Variants in DLG2 observed in about 807,000 individuals in gnomAD.
DLG2 encodes discs large MAGUK scaffold protein 2.
In DLG2, 45 loss-of-function variants were observed where a neutral mutation model predicts 132.5. That is an observed-to-expected ratio of 0.34 (90% CI 0.27 to 0.44). The LOEUF (loss-of-function observed/expected upper bound fraction) is 0.44, where lower values mean the gene tolerates loss of function less well. Ranked by LOEUF, DLG2 falls within the 20% of genes least tolerant of loss-of-function variation. The probability of loss-of-function intolerance (pLI) is 1.00; values close to 1 mark genes in which losing one functional copy is unlikely to be tolerated. For synonymous variants in DLG2, 424 were observed against 419.6 expected (o/e 1.01, Z -0.13); for missense variants, 1,045 against 1,196.9 (o/e 0.87, Z 1.87).
At chr11:84,596,190 G>GTCTCTCTCTCTCTCTC (rs59824224) in intron 6 of DLG2, among the ~76,000 whole-genome samples, 1 of 144,734 alleles carries the variant, frequency 6.9e-6, no homozygotes, top group South Asian at 2.2e-4. Flanking sequence ...TCTTTTCTCT[G>GTCTCTCTCTCTCTCTC]TCTCTCTCTC....
At chr11:84,587,900 C>A (rs561493498) in intron 6 of DLG2, among the ~76,000 whole-genome samples, 39 of 152,274 alleles carry the variant, frequency 2.6e-4, no homozygotes, top group African/African-American at 8.4e-4. Flanking sequence ...CTACTTCATG[C>A]CTCCTTACAG....
At chr11:83,873,699 C>T (rs923277006) in intron 16 of DLG2, among the ~76,000 whole-genome samples, 2 of 152,174 alleles carry the variant, frequency 1.3e-5, no homozygotes, top group Non-Finnish European at 2.9e-5. Flanking sequence ...CACCAATAAG[C>T]ACTCAGTAAA....
intron 6 of DLG2, among the ~76,000 whole-genome samples, chr11:84,691,116 C>T (rs2057982707): frequency 6.6e-6 from 1 of 151,832 alleles, no homozygotes; most frequent in Non-Finnish European, 1.5e-5. Flanking sequence ...TTGGGTCCAG[C>T]TCAAATGCCA....
intron 17 of DLG2, among the ~76,000 whole-genome samples, chr11:83,792,381 C>G (rs2041817434): frequency 1.3e-5 from 2 of 151,968 alleles, no homozygotes; most frequent in Admixed American, 1.3e-4. Flanking sequence ...AGATAGTGTA[C>G]TGATATGAAA....
At chr11:84,735,367 A>T (rs527897387) in intron 6 of DLG2, among the ~76,000 whole-genome samples, 4 of 152,076 alleles carry the variant, frequency 2.6e-5, no homozygotes, top group Non-Finnish European at 5.9e-5. Context: ...TAGTCTTGGG[A>T]GGATATATGT....
intron 7 of DLG2, among the ~76,000 whole-genome samples, chr11:84,323,836 A>G (rs1201423147): frequency 6.7e-6 from 1 of 150,148 alleles, no homozygotes; most frequent in African/African-American, 2.4e-5. Context: ...TTTTTCATAT[A>G]CCAAATGGCT....
intron 7 of DLG2, among the ~76,000 whole-genome samples, chr11:84,478,403 C>T (rs1032273232): frequency 6.6e-6 from 1 of 152,062 alleles, no homozygotes; most frequent in Non-Finnish European, 1.5e-5. Context: ...CTATGATAAT[C>T]CATGTTAATT....
At chr11:84,158,411 G>C (rs903127881) in intron 9 of DLG2, among the ~76,000 whole-genome samples, 3 of 152,128 alleles carry the variant, frequency 2.0e-5, no homozygotes, top group African/African-American at 2.4e-5. Flanking sequence ...TGAAAGTCAA[G>C]AAAATCTGTT....
intron 4 of DLG2, among the ~76,000 whole-genome samples, chr11:85,218,981 A>G (rs1469908065): frequency 2.0e-5 from 3 of 152,162 alleles, no homozygotes; most frequent in African/African-American, 7.2e-5. Flanking sequence ...ATAGCAGAAA[A>G]CCAAATACCA....
At chr11:85,172,348 C>T (rs2078936307) in intron 4 of DLG2, among the ~76,000 whole-genome samples, 1 of 152,086 alleles carries the variant, frequency 6.6e-6, no homozygotes, top group Non-Finnish European at 1.5e-5. Context: ...GAGTGGACCC[C>T]CAGGAAACTG....
chr11:85,503,146 C>T (rs551269034), intron 3 of DLG2, among the ~76,000 whole-genome samples: 3 of 152,104 alleles, frequency 2.0e-5, no homozygotes, highest in South Asian at 2.1e-4. Context: ...TTTAGGGATA[C>T]CTACAGAGGT....
intron 19 of DLG2, among the ~76,000 whole-genome samples, chr11:83,580,790 GCCCT>G (rs1201256441): frequency 6.9e-6 from 1 of 143,996 alleles, no homozygotes; most frequent in Non-Finnish European, 1.5e-5. Context: ...GCAAAAACTG[GCCCT>G]CCCTCCCTCC....
chr11:84,086,439 C>T (rs940631530), intron 10 of DLG2, among the ~76,000 whole-genome samples: 3 of 151,204 alleles, frequency 2.0e-5, no homozygotes, highest in Non-Finnish European at 4.4e-5. Flanking sequence ...TCCAATTGCC[C>T]TATGTAATTT....
chr11:85,421,353 T>C (rs2090293040), intron 3 of DLG2, among the ~76,000 whole-genome samples: 1 of 151,794 alleles, frequency 6.6e-6, no homozygotes, highest in Admixed American at 6.6e-5. Context: ...CCTGCGTTGA[T>C]CTCGCTGGGA....
intron 5 of DLG2, among the ~76,000 whole-genome samples, chr11:85,150,285 A>C (rs148268476): frequency 1.3e-5 from 2 of 151,794 alleles, no homozygotes; most frequent in Admixed American, 6.6e-5. Flanking sequence ...CTCCCAAAGT[A>C]CTGGGATTAC....
At chr11:84,373,469 C>A (rs1250541169) in intron 7 of DLG2, among the ~76,000 whole-genome samples, 4 of 151,846 alleles carry the variant, frequency 2.6e-5, no homozygotes, top group Non-Finnish European at 5.9e-5. Context: ...ACTCAGGAGG[C>A]TGACGCAGGA....
intron 6 of DLG2, among the ~76,000 whole-genome samples, chr11:84,910,929 T>C (rs905052813): frequency 3.9e-5 from 6 of 152,046 alleles, no homozygotes; most frequent in Non-Finnish European, 8.8e-5. Flanking sequence ...AATAAATGTA[T>C]AGAAAACAAA....
chr11:84,694,582 C>T (rs969787514), intron 6 of DLG2, among the ~76,000 whole-genome samples: 5 of 151,434 alleles, frequency 3.3e-5, no homozygotes, highest in Admixed American at 6.6e-5. Context: ...TGTCGACCTA[C>T]GACATGAATC....
chr11:83,851,429 A>G (rs192266192), intron 16 of DLG2, among the ~76,000 whole-genome samples: 68 of 151,542 alleles, frequency 4.5e-4, no homozygotes, highest in African/African-American at 1.5e-3. Flanking sequence ...GTTCGAGACT[A>G]GCTTGGCCAA....
Sources: gnomAD v4.1 joint callset for allele counts (sites outside exome capture counted in the v4.1 genomes callset) on GRCh38, gnomAD v4.1.1 for gene constraint, MANE v1.5 for transcripts, NCBI Gene and HGNC (gene_info 2026-07-23, HGNC 2026-07-21) for gene names.